The following DLGAP2 variants were observed in gnomAD, a reference collection of about 807,000 sequenced individuals.
The protein encoded by DLGAP2 is DLG associated protein 2, also known as disks large-associated protein 2.
Under a neutral mutation model 100.3 loss-of-function variants are expected in DLGAP2, and 26 were observed. That is an observed-to-expected ratio of 0.26 (90% CI 0.19 to 0.36). The LOEUF (loss-of-function observed/expected upper bound fraction) is 0.36, where lower values mean the gene tolerates loss of function less well. DLGAP2 is among the 10% of genes least tolerant of loss of function. DLGAP2 has a pLI of 1.00. For missense variants in DLGAP2, 1,858 were observed against 1,453.2 expected (o/e 1.28, Z -4.53); for synonymous variants, 886 against 630.1 (o/e 1.41, Z -6.08).
rs897110061 is a variant in DLGAP2, at chr8:1,691,797, C to A, written c.2796+171C>A. 5.3e-5 allele frequency among the ~76,000 whole-genome samples: 8 copies of A among 152,086 alleles called. No individual in the cohort carries two copies. In the East Asian group the frequency reaches 1.2e-3, roughly 22 times the overall value. On this transcript the variant is annotated intron_variant, in intron 13 of 14. Transcript: ENST00000637795. ...CCCTGGGGAAAGAGACGATTCGGCCCTGGTTTAAACGCGGTACCGAGGCAG... is the reference window on the plus strand; with the variant it reads ...CCCTGGGGAAAGAGACGATTCGGCCATGGTTTAAACGCGGTACCGAGGCAG...
At chr8:1,652,218 C>G (rs1195523761) in intron 8 of DLGAP2, among the ~76,000 whole-genome samples, 1 of 152,174 alleles carries the variant, frequency 6.6e-6, no homozygotes, top group Admixed American at 6.5e-5. Flanking sequence ...GAGGTTCTTA[C>G]GTGAAGATGC....
intron 2 of DLGAP2, among the ~76,000 whole-genome samples, chr8:1,193,199 T>A (rs370642570): frequency 1.3e-5 from 2 of 152,188 alleles, no homozygotes; most frequent in Non-Finnish European, 2.9e-5. Context: ...GTAATGGGAT[T>A]GCTGGGTCAA....
At chr8:867,449 A>C (rs1417767572) in intron 1 of DLGAP2, among the ~76,000 whole-genome samples, 8 of 152,238 alleles carry the variant, frequency 5.3e-5, no homozygotes, top group African/African-American at 1.9e-4. Flanking sequence ...AACAGGCGCT[A>C]ATCCTTGAGA....
intron 2 of DLGAP2, among the ~76,000 whole-genome samples, chr8:1,122,156 G>C (rs546537534): frequency 1.3e-5 from 2 of 152,296 alleles, no homozygotes; most frequent in African/African-American, 4.8e-5. Context: ...TTCCGGTCTT[G>C]TTTATGGCTT....
Position 968,768 on chromosome 8 carries a change from A to T in DLGAP2, c.73+60802A>T, listed in dbSNP as rs943654953. On this transcript the variant is annotated intron_variant, in intron 2 of 14. Coordinates refer to ENST00000637795, the MANE Select transcript of DLGAP2 (RefSeq NM_001346810.2). ...CAGCAGCATGGTATGTCCTCACCTCACGTCTTCAGTAGGGTTCCTGGAAGC... is the reference window on the plus strand; with the variant it reads ...CAGCAGCATGGTATGTCCTCACCTCTCGTCTTCAGTAGGGTTCCTGGAAGC... Among the ~76,000 whole-genome samples, 17 of 152,240 alleles carry T rather than the reference A, an allele frequency of 1.1e-4. 1 individual carries two copies. The highest frequency in any genetic ancestry group is 8.5e-4 in the Admixed American group (13 of 15,302).
intron 8 of DLGAP2, among the ~76,000 whole-genome samples, chr8:1,637,573 T>A (rs1385368825): frequency 6.6e-6 from 1 of 152,030 alleles, no homozygotes; most frequent in African/African-American, 2.4e-5. Flanking sequence ...TCACACATGA[T>A]CACTTTCCGT....
chr8:936,166 T>C (rs2129004311), intron 2 of DLGAP2, among the ~76,000 whole-genome samples: 1 of 151,672 alleles, frequency 6.6e-6, no homozygotes. Flanking sequence ...ATGAAGAGGG[T>C]CTCTGAAGAG....
rs184413000 is a variant in DLGAP2 at position 1,066,266 on chromosome 8, G to A, written c.73+158300G>A. 7.3e-4 allele frequency among the ~76,000 whole-genome samples: 111 copies of A among 151,140 alleles called. No individual in the cohort carries two copies. In the East Asian group the frequency reaches 0.018, roughly 25 times the overall value. ...CTCCCCACCACGGTCAGGTCTGAGC[G>A]AGGACAGCTCCCCACCACGGTCAGG... On this transcript the variant is annotated intron_variant, in intron 2 of 14. Coordinates refer to ENST00000637795, the MANE Select transcript of DLGAP2 (RefSeq NM_001346810.2).
intron 3 of DLGAP2, among the ~76,000 whole-genome samples, chr8:1,327,932 C>G (rs923314423): frequency 6.6e-6 from 1 of 152,224 alleles, no homozygotes; most frequent in Non-Finnish European, 1.5e-5. Flanking sequence ...TCAGACTGTA[C>G]AAGACCACAG....
intron 2 of DLGAP2, among the ~76,000 whole-genome samples, chr8:1,172,949 G>C (rs553987236): frequency 1.3e-5 from 2 of 152,334 alleles, no homozygotes; most frequent in South Asian, 2.1e-4. Flanking sequence ...TGGAGGAGGA[G>C]AGGTGCTCTG....
intron 2 of DLGAP2, among the ~76,000 whole-genome samples, chr8:1,023,073 C>G (rs940223347): frequency 5.3e-5 from 8 of 152,244 alleles, no homozygotes; most frequent in African/African-American, 1.9e-4. Flanking sequence ...GTGTGTGATG[C>G]TGGCACCATG....
At chr8:1,391,153 C>A (rs1253318975) in intron 3 of DLGAP2, among the ~76,000 whole-genome samples, 1 of 152,164 alleles carries the variant, frequency 6.6e-6, no homozygotes, top group Non-Finnish European at 1.5e-5. Flanking sequence ...TAATGAGACC[C>A]CGGTTGGCTA....
At chr8:1,407,873 C>T (rs1287960084) in intron 3 of DLGAP2, among the ~76,000 whole-genome samples, 2 of 152,180 alleles carry the variant, frequency 1.3e-5, no homozygotes, top group Admixed American at 1.3e-4. Context: ...TACTGAGCAC[C>T]ACCTCCTTGT....
chr8:1,205,569 C>A (rs7464158), intron 2 of DLGAP2, among the ~76,000 whole-genome samples: 1 of 152,030 alleles, frequency 6.6e-6, no homozygotes, highest in Admixed American at 6.5e-5. Context: ...ACCCTGGGAG[C>A]TTTTACTGCA....
chr8:1,459,801 T>C (rs1291404567), intron 3 of DLGAP2, among the ~76,000 whole-genome samples: 1 of 151,832 alleles, frequency 6.6e-6, no homozygotes, highest in African/African-American at 2.4e-5. Flanking sequence ...TTATCCTGTG[T>C]CAGCCTCCCG....
chr8:1,293,688 A>C (rs1160835060), intron 3 of DLGAP2, among the ~76,000 whole-genome samples: 1 of 152,228 alleles, frequency 6.6e-6, no homozygotes, highest in African/African-American at 2.4e-5. Flanking sequence ...TCAGAGGAAC[A>C]GTGCCCAGCC....
At chr8:1,536,029 C>T (rs369620300) in intron 4 of DLGAP2, among the ~76,000 whole-genome samples, 3 of 152,288 alleles carry the variant, frequency 2.0e-5, no homozygotes, top group South Asian at 4.2e-4. Flanking sequence ...AGTCATGACA[C>T]GTGAGTAGCA....
chr8:1,322,651 A>G (rs973972281), intron 3 of DLGAP2, among the ~76,000 whole-genome samples: 1 of 152,162 alleles, frequency 6.6e-6, no homozygotes, highest in African/African-American at 2.4e-5. Context: ...TGTTCCATGG[A>G]AATGCATGCA....
At chr8:1,054,149 T>C (rs1802803830) in intron 2 of DLGAP2, among the ~76,000 whole-genome samples, 1 of 152,062 alleles carries the variant, frequency 6.6e-6, no homozygotes, top group Admixed American at 6.6e-5. Context: ...ATTTTTCCTC[T>C]CCTGGTTTGA....
Sources: gnomAD v4.1 joint callset for allele counts (sites outside exome capture counted in the v4.1 genomes callset) on GRCh38, gnomAD v4.1.1 for gene constraint, MANE v1.5 for transcripts, NCBI Gene and HGNC (gene_info 2026-07-23, HGNC 2026-07-21) for gene names.